The following CRTAC1 variants were observed in gnomAD, a reference collection of about 807,000 sequenced individuals.
CRTAC1 encodes cartilage acidic protein 1.
CRTAC1 carries 37 observed loss-of-function variants against 67.8 expected under a neutral mutation model. That is an observed-to-expected ratio of 0.55 (90% confidence interval 0.42 to 0.72). CRTAC1 has a LOEUF of 0.72. CRTAC1 is among the 30% of genes least tolerant of loss of function. CRTAC1 has a pLI of 0.00. For synonymous variants in CRTAC1, 348 were observed against 371.0 expected, an observed-to-expected ratio of 0.94 and a Z score of 0.71; for missense variants, 780 against 931.6, an observed-to-expected ratio of 0.84 and a Z score of 2.12.
chr10:97,972,570 T>C (rs898283852), intron 2 of CRTAC1, among the ~76,000 whole-genome samples: 2 of 152,180 alleles, frequency 1.3e-5, no homozygotes, highest in African/African-American at 4.8e-5. Context: ...TCTACTACAT[T>C]ATCTCTGAAT....
intron 2 of CRTAC1, among the ~76,000 whole-genome samples, chr10:97,986,873 C>T (rs958476888): frequency 6.6e-6 from 1 of 152,178 alleles, no homozygotes; most frequent in Non-Finnish European, 1.5e-5. Flanking sequence ...CCTGTTCTCA[C>T]TTTTCTCTTT....
At chr10:97,898,483 C>A (rs936982258) in intron 8 of CRTAC1, among the ~76,000 whole-genome samples, 1 of 152,172 alleles carries the variant, frequency 6.6e-6, no homozygotes, top group Non-Finnish European at 1.5e-5. Context: ...GAGGGTGAGG[C>A]CTGGCATAGC....
chr10:97,966,496 A>C (rs75849795), intron 2 of CRTAC1, among the ~76,000 whole-genome samples: 2,106 of 152,342 alleles, frequency 0.014, 58 homozygotes, highest in African/African-American at 0.048. Flanking sequence ...GAGTTCCCAC[A>C]CATGCCCTGC....
chr10:97,960,221 C>T (rs189931199), intron 2 of CRTAC1, among the ~76,000 whole-genome samples: 190 of 152,334 alleles, frequency 1.2e-3, no homozygotes, highest in Middle Eastern at 6.8e-3. Flanking sequence ...GTCCCAGCCC[C>T]GCTGTAACTT....
intron 7 of CRTAC1, among the ~76,000 whole-genome samples, chr10:97,903,062 A>T (rs1206146063): frequency 6.6e-6 from 1 of 151,638 alleles, no homozygotes; most frequent in Non-Finnish European, 1.5e-5. Context: ...AGCTTAGCAC[A>T]GTTCGTGACA....
At chr10:97,893,316 G>C (rs1243175426) in intron 11 of CRTAC1, among the ~76,000 whole-genome samples, 1 of 152,098 alleles carries the variant, frequency 6.6e-6, no homozygotes, top group Non-Finnish European at 1.5e-5. Flanking sequence ...TGAGACCATA[G>C]TGCCTATTCC....
intron 3 of CRTAC1, among the ~76,000 whole-genome samples, chr10:97,924,481 C>T (rs955373893): frequency 3.9e-5 from 6 of 152,242 alleles, no homozygotes; most frequent in Admixed American, 3.9e-4. Flanking sequence ...GGAGAGACAG[C>T]ATGGCACAGG....
At chr10:98,009,504 G>A (rs561929314) in intron 2 of CRTAC1, among the ~76,000 whole-genome samples, 93 of 152,274 alleles carry the variant, frequency 6.1e-4, no homozygotes, top group Non-Finnish European at 7.2e-4. Flanking sequence ...TGACTACCCC[G>A]TGAGGCAGGC....
At chr10:97,907,148 C>T (rs1038172751) in intron 6 of CRTAC1, among the ~76,000 whole-genome samples, 1 of 152,204 alleles carries the variant, frequency 6.6e-6, no homozygotes, top group Non-Finnish European at 1.5e-5. Context: ...AGCCTTGCGT[C>T]AAGAATGAAT....
intron 11 of CRTAC1, among the ~76,000 whole-genome samples, chr10:97,886,860 A>G (rs1005565700): frequency 6.6e-6 from 1 of 151,684 alleles, no homozygotes; most frequent in Admixed American, 6.6e-5. Flanking sequence ...GGCCAGGCTG[A>G]TCTCAAACTC....
At chr10:97,952,171 T>A (rs1347364728) in intron 2 of CRTAC1, among the ~76,000 whole-genome samples, 1 of 151,924 alleles carries the variant, frequency 6.6e-6, no homozygotes. Flanking sequence ...GCTAACACGG[T>A]GAAACCCCAT....
chr10:97,896,846 C>CAACCCCCCAA, intron 9 of CRTAC1, 63 bp downstream of exon 9: 1 of 765,996 alleles, frequency 1.3e-6, no homozygotes, highest in African/African-American at 1.8e-5. Flanking sequence ...CTCCCGCCCT[C>CAACCCCCCAA]ACCCCAGTGT....
At chr10:98,023,697 C>T (rs1042522634) in intron 1 of CRTAC1, among the ~76,000 whole-genome samples, 2 of 152,190 alleles carry the variant, frequency 1.3e-5, no homozygotes, top group African/African-American at 2.4e-5. Context: ...AAGAGCCTGC[C>T]ACCCAGCTCC....
At chr10:97,918,463 A>G (rs1257903253) in intron 4 of CRTAC1, among the ~76,000 whole-genome samples, 1 of 152,188 alleles carries the variant, frequency 6.6e-6, no homozygotes, top group African/African-American at 2.4e-5. Context: ...CACACTTTCT[A>G]AATCAGTTTT....
At chr10:97,955,458 C>T (rs1289131652) in intron 2 of CRTAC1, among the ~76,000 whole-genome samples, 1 of 152,220 alleles carries the variant, frequency 6.6e-6, no homozygotes. Context: ...GAGCAGGAGC[C>T]CAGGTTAAGA....
intron 1 of CRTAC1, among the ~76,000 whole-genome samples, chr10:98,020,168 T>G (rs2136704309): frequency 6.6e-6 from 1 of 152,344 alleles, no homozygotes. Context: ...TTCCACACGC[T>G]GTCAGAGCTC....
In CRTAC1 at chr10:97,895,830, A is replaced by G; in HGVS notation, c.1317+55T>C. On this transcript the variant is annotated intron_variant, in intron 10 of 14. Coordinates refer to ENST00000370597, the MANE Select transcript of CRTAC1 (RefSeq NM_018058.7). This position sits in a 1 kb window ranked among gnomAD's most constrained non-coding sequence, Gnocchi z 4.2. The stretch of plus-strand genomic sequence containing the variant: ...CCGGCACCTTGCCCTCACCAACTCA[A>G]GGTACCCGAGAGCACACAGGGCTGG... 1 of 1,471,258 alleles carries G rather than the reference A, an allele frequency of 6.8e-7. No individual in the cohort carries two copies. Among genetic ancestry groups the G allele is most frequent in the Non-Finnish European group, 9.5e-7 (1 of 1,055,400 alleles). The allele number at this position is 1,471,258 out of a possible 1,614,324, so 91.1% of individuals were successfully genotyped here. A position where few individuals can be genotyped will look rare whatever the true frequency, so the allele number is the denominator to read the frequency against.
intron 3 of CRTAC1, among the ~76,000 whole-genome samples, chr10:97,930,074 C>T (rs1394444222): frequency 6.6e-6 from 1 of 152,226 alleles, no homozygotes. Flanking sequence ...CACATCAGCT[C>T]CTTCAGTGCT....
At position 97,882,785 on chromosome 10, in the gene CRTAC1, C is replaced by T; in HGVS notation, c.1675+1G>A. The T allele has an allele frequency of 3.1e-6, 5 of 1,614,180 alleles. No individual in the cohort carries two copies. Among genetic ancestry groups the T allele is most frequent in the Non-Finnish European group, 4.2e-6 (5 of 1,180,016 alleles). On this transcript the variant is annotated splice_donor_variant, in intron 13 of 14. Coordinates refer to ENST00000370597, the MANE Select transcript of CRTAC1 (RefSeq NM_018058.7). LOFTEE classifies it high-confidence loss of function. ...TGCCCTGGTGACTGAAGGCAACTCACCCATGCAATGGCCATTTTCCTGCTG... is the reference window on the plus strand; with the variant it reads ...TGCCCTGGTGACTGAAGGCAACTCATCCATGCAATGGCCATTTTCCTGCTG...
Sources: gnomAD v4.1 joint callset for allele counts (sites outside exome capture counted in the v4.1 genomes callset) on GRCh38, gnomAD v4.1.1 for gene constraint, Gnocchi (gnomAD v3.1) non-coding constraint, MANE v1.5 for transcripts, NCBI Gene and HGNC (gene_info 2026-07-23, HGNC 2026-07-21) for gene names.